Variants in MYH10 observed in about 807,000 individuals in gnomAD.
The protein encoded by MYH10 is myosin-10.
A neutral mutation model predicts 257.8 loss-of-function variants in MYH10; 55 were observed. The ratio of observed to expected loss-of-function variants is 0.21; its 90% CI spans 0.17 to 0.27. The LOEUF (loss-of-function observed/expected upper bound fraction) is 0.27, where lower values mean the gene tolerates loss of function less well. Ranked by LOEUF, MYH10 falls within the 10% of genes least tolerant of loss-of-function variation. The pLI, the probability that MYH10 is intolerant of heterozygous loss-of-function variation, is 1.00. For missense variants in MYH10, 1,631 were observed against 2,500.6 expected, an observed-to-expected ratio of 0.65 and a Z score of 7.42; for synonymous variants, 854 against 921.7, an observed-to-expected ratio of 0.93 and a Z score of 1.33.
At chr17:8,548,955 AC>A (rs2082532899) in intron 9 of MYH10, among the ~76,000 whole-genome samples, 168 bp from the exon 10 acceptor site, 1 of 10,122 alleles carries the variant, frequency 9.9e-5, no homozygotes, top group Non-Finnish European at 5.9e-3. Flanking sequence ...ACACAAACAT[AC>A]ATTTTTTTAA....
intron 36 of MYH10, among the ~76,000 whole-genome samples, chr17:8,485,807 C>T (rs1446610347): frequency 6.6e-6 from 1 of 152,148 alleles, no homozygotes; most frequent in African/African-American, 2.4e-5. Context: ...CCATATAACC[C>T]AGCTCAATTC....
chr17:8,497,466 G>A (rs1016217745), intron 30 of MYH10, among the ~76,000 whole-genome samples: 39 of 152,160 alleles, frequency 2.6e-4, no homozygotes, highest in African/African-American at 9.1e-4. Context: ...AGGGCCGGGC[G>A]CGGTGGCTCA....
intron 23 of MYH10, 123 bp from the exon 24 acceptor site, chr17:8,512,780 C>A: frequency 1.3e-6 from 1 of 746,240 alleles, no homozygotes; most frequent in Non-Finnish European, 2.0e-6. Flanking sequence ...TATAACATCA[C>A]GGGAAGAACT....
intron 6 of MYH10, among the ~76,000 whole-genome samples, chr17:8,574,550 CA>C (rs1567923542): frequency 6.6e-6 from 1 of 151,490 alleles, no homozygotes; most frequent in Non-Finnish European, 1.5e-5. Context: ...TAAATTGTTT[CA>C]AAAAAAGAAT....
chr17:8,478,543 C>A, intron 40 of MYH10, 97 bp from the exon 41 acceptor site: 2 of 1,100,096 alleles, frequency 1.8e-6, no homozygotes, highest in South Asian at 1.3e-5. Flanking sequence ...GAAGATGACA[C>A]ATGGTGGAGG....
At chr17:8,554,507 T>A (rs976905060) in intron 7 of MYH10, among the ~76,000 whole-genome samples, 1 of 106,516 alleles carries the variant, frequency 9.4e-6, no homozygotes. Context: ...GCTGGATTAG[T>A]CTTATGAAAC....
intron 13 of MYH10, among the ~76,000 whole-genome samples, chr17:8,543,306 G>A (rs1050889655): frequency 3.9e-5 from 6 of 152,150 alleles, no homozygotes; most frequent in South Asian, 2.1e-4. Flanking sequence ...GGTCATGCAA[G>A]GAGGGCAGGG....
intron 19 of MYH10, 75 bp from the exon 20 acceptor site, chr17:8,519,025 T>C: frequency 8.7e-7 from 1 of 1,148,642 alleles, no homozygotes. Context: ...TGTGTTTTGC[T>C]CTAAGAGGCA....
chr17:8,608,593 G>C (rs893107530), intron 2 of MYH10, among the ~76,000 whole-genome samples: 3 of 152,222 alleles, frequency 2.0e-5, no homozygotes, highest in African/African-American at 7.2e-5. Flanking sequence ...GATTGCCAGA[G>C]CCTTGGGAAA....
intron 2 of MYH10, among the ~76,000 whole-genome samples, chr17:8,622,122 A>C (rs1417920011): frequency 6.6e-6 from 1 of 152,128 alleles, no homozygotes; most frequent in Non-Finnish European, 1.5e-5. Context: ...CACGACCATC[A>C]ACTTTTCTTC....
At chr17:8,617,361 A>C (rs1052002761) in intron 2 of MYH10, among the ~76,000 whole-genome samples, 1 of 152,104 alleles carries the variant, frequency 6.6e-6, no homozygotes, top group Non-Finnish European at 1.5e-5. Flanking sequence ...GCTCTTTCCT[A>C]ATGCTTCTTT....
intron 2 of MYH10, 85 bp from the exon 3 acceptor site, chr17:8,605,067 G>A: frequency 1.5e-6 from 1 of 687,608 alleles, no homozygotes; most frequent in Non-Finnish European, 2.2e-6. Context: ...AAACCAAAGA[G>A]TCATTTAAGC....
chr17:8,612,851 T>C (rs115797737), intron 2 of MYH10, among the ~76,000 whole-genome samples: 3,996 of 148,980 alleles, frequency 0.027, 195 homozygotes, highest in African/African-American at 0.093. Flanking sequence ...CTCTGTTCTG[T>C]CTCAAAAAAA....
At chr17:8,601,899 G>A (rs1011655816) in intron 3 of MYH10, among the ~76,000 whole-genome samples, 2 of 151,866 alleles carry the variant, frequency 1.3e-5, no homozygotes, top group Admixed American at 1.3e-4. Context: ...TTAAAGATGT[G>A]GGATGTGTGA....
At chr17:8,568,090 C>G (rs976978912) in intron 7 of MYH10, among the ~76,000 whole-genome samples, 1 of 152,144 alleles carries the variant, frequency 6.6e-6, no homozygotes, top group Non-Finnish European at 1.5e-5. Flanking sequence ...CTCTGGGACG[C>G]TAGTCCACCA....
chr17:8,585,692 G>A (rs1444309188), intron 4 of MYH10, among the ~76,000 whole-genome samples: 1 of 152,122 alleles, frequency 6.6e-6, no homozygotes, highest in Non-Finnish European at 1.5e-5. Flanking sequence ...AGAGGTGGAG[G>A]TAGGTAAGTA....
At chr17:8,515,732 C>T (rs2081447818) in intron 21 of MYH10, among the ~76,000 whole-genome samples, 1 of 151,550 alleles carries the variant, frequency 6.6e-6, no homozygotes, top group Admixed American at 6.6e-5. Context: ...TTAGTAGAGA[C>T]AGGGTTTCAC....
chr17:8,584,932 C>T (rs1004699314), intron 4 of MYH10, among the ~76,000 whole-genome samples: 1 of 152,082 alleles, frequency 6.6e-6, no homozygotes, highest in Non-Finnish European at 1.5e-5. Context: ...CAACCTCCGC[C>T]TCCCGGGTTC....
At chr17:8,579,278 A>T (rs781612548) in intron 4 of MYH10, among the ~76,000 whole-genome samples, 1 of 12,238 alleles carries the variant, frequency 8.2e-5, no homozygotes, top group Non-Finnish European at 1.5e-4. Context: ...GACCCTGTCT[A>T]AAAAAAAAAA....
Sources: gnomAD v4.1 joint callset for allele counts (sites outside exome capture counted in the v4.1 genomes callset) on GRCh38, gnomAD v4.1.1 for gene constraint, MANE v1.5 for transcripts, NCBI Gene and HGNC (gene_info 2026-07-23, HGNC 2026-07-21) for gene names.